SV2C: variants seen among roughly 807,000 people sequenced by gnomAD.
SV2C encodes solute carrier family 22 member B3.
In SV2C, 49 loss-of-function variants were observed where a neutral mutation model predicts 79.7. The observed-to-expected ratio is 0.61, with a 90% CI of 0.49 to 0.78. The LOEUF (loss-of-function observed/expected upper bound fraction) is 0.78, where lower values mean the gene tolerates loss of function less well. Ranked by LOEUF, SV2C falls within the 30% of genes least tolerant of loss-of-function variation. SV2C has a pLI of 0.00. For synonymous variants in SV2C, 334 were observed against 333.2 expected (o/e 1.00, Z -0.03); for missense variants, 833 against 912.9 (o/e 0.91, Z 1.13).
intron 6 of SV2C, among the ~76,000 whole-genome samples, chr5:76,287,863 G>T (rs1054430920): frequency 2.0e-5 from 3 of 152,160 alleles, no homozygotes; most frequent in Non-Finnish European, 4.4e-5. Context: ...GAGGTGGGCG[G>T]ATTACAAGGT....
chr5:75,876,287 A>C, the SV2C span, among the ~76,000 whole-genome samples: 1 of 152,160 alleles, frequency 6.6e-6, no homozygotes, highest in Non-Finnish European at 1.5e-5. Flanking sequence ...ATGGAACTGG[A>C]GGCTATTATC....
intron 1 of SV2C, among the ~76,000 whole-genome samples, chr5:76,109,615 A>C (rs911295930): frequency 6.6e-6 from 1 of 152,200 alleles, no homozygotes; most frequent in Non-Finnish European, 1.5e-5. Flanking sequence ...GTGGGCACTA[A>C]TATGACTGGT....
chr5:75,971,688 A>T, the SV2C span, among the ~76,000 whole-genome samples: 2 of 152,160 alleles, frequency 1.3e-5, no homozygotes, highest in Admixed American at 1.3e-4. Context: ...ATACAAACAA[A>T]TGCAAGAACA....
chr5:75,973,629 T>C, the SV2C span, among the ~76,000 whole-genome samples: 1 of 152,094 alleles, frequency 6.6e-6, no homozygotes, highest in Non-Finnish European at 1.5e-5. Flanking sequence ...ACATAATAAT[T>C]ACACTGTTCT....
chr5:75,979,218 C>A, the SV2C span, among the ~76,000 whole-genome samples: 1 of 152,070 alleles, frequency 6.6e-6, no homozygotes, highest in African/African-American at 2.4e-5. Context: ...CACAGGTGCA[C>A]CCAGATTCAT....
chr5:75,975,968 TA>T, the SV2C span, among the ~76,000 whole-genome samples: 198 of 152,310 alleles, frequency 1.3e-3, 1 homozygote, highest in South Asian at 0.019. Context: ...CTCAAGTCAT[TA>T]ACTTAAATCC....
Position 76,233,805 on chromosome 5 carries a change from G to A in SV2C, c.913+23918G>A, listed in dbSNP as rs571856071. ...GGGATGAAGCCCACTTGATCATGGT[G>A]GATAAGCTTTTTGATGTGCTGTTGC... On this transcript the variant is annotated intron_variant, in intron 4 of 12. Transcript: ENST00000502798. Among the ~76,000 whole-genome samples the A allele has an allele frequency of 1.3e-3, 194 of 148,592 alleles. 1 individual carries two copies. Among genetic ancestry groups the A allele is most frequent in the Non-Finnish European group, 2.4e-3 (161 of 68,008 alleles).
chr5:75,925,514 C>T, the SV2C span, among the ~76,000 whole-genome samples: 1 of 152,210 alleles, frequency 6.6e-6, no homozygotes, highest in East Asian at 1.9e-4. Context: ...GGACAGTTCC[C>T]TTCCAATCTC....
intron 2 of SV2C, among the ~76,000 whole-genome samples, chr5:76,149,301 A>C (rs556878465): frequency 1.2e-4 from 19 of 152,350 alleles, no homozygotes; most frequent in African/African-American, 4.3e-4. Flanking sequence ...GGAGTTACAG[A>C]AACACCATGA....
At chr5:75,952,014 G>A in the SV2C span, among the ~76,000 whole-genome samples, 2 of 151,922 alleles carry the variant, frequency 1.3e-5, no homozygotes, top group African/African-American at 4.8e-5. Context: ...TGATTGGCAA[G>A]TAGTAAAAAT....
At position 76,104,087 on chromosome 5, in the gene SV2C, T is replaced by G. The variant is rs528187219; in HGVS notation, c.-102+20575T>G. 1.4e-3 allele frequency among the ~76,000 whole-genome samples: 218 copies of G among 152,328 alleles called. 2 individuals are homozygous for G. Among genetic ancestry groups the G allele is most frequent in the African/African-American group, 5.1e-3 (211 of 41,572 alleles). On this transcript the variant is annotated intron_variant, in intron 1 of 12. Coordinates refer to ENST00000502798, the MANE Select transcript of SV2C (RefSeq NM_014979.4). ...TGTTCATTTCTTAGGTGACTTTAACTCATTTGCTAACATCAGAATAAAAGT... is the reference window on the plus strand; with the variant it reads ...TGTTCATTTCTTAGGTGACTTTAACGCATTTGCTAACATCAGAATAAAAGT...
At chr5:76,013,416 T>C in the SV2C span, among the ~76,000 whole-genome samples, 2 of 152,176 alleles carry the variant, frequency 1.3e-5, no homozygotes, top group African/African-American at 2.4e-5. Context: ...TTGTCTATTA[T>C]TGGTGTATAA....
At chr5:75,901,764 T>G in the SV2C span, among the ~76,000 whole-genome samples, 6 of 152,228 alleles carry the variant, frequency 3.9e-5, no homozygotes, top group Non-Finnish European at 2.9e-5. Context: ...CCCGGCTCCT[T>G]TGTTTACCTA....
At chr5:76,122,699 G>A (rs1053037039) in intron 1 of SV2C, among the ~76,000 whole-genome samples, 1 of 151,772 alleles carries the variant, frequency 6.6e-6, no homozygotes, top group African/African-American at 2.4e-5. Flanking sequence ...CAACATACCA[G>A]AATCTCTGGG....
the SV2C span, among the ~76,000 whole-genome samples, chr5:75,908,438 G>A: frequency 6.6e-6 from 1 of 152,144 alleles, no homozygotes; most frequent in Non-Finnish European, 1.5e-5. Flanking sequence ...ATAGAGATGT[G>A]CCAAATTTTG....
chr5:75,936,316 G>A, the SV2C span, among the ~76,000 whole-genome samples: 4,215 of 152,112 alleles, frequency 0.028, 76 homozygotes, highest in Middle Eastern at 0.044. Context: ...ATCATCCTTG[G>A]GTCTATGTCT....
At chr5:75,945,217 A>G in the SV2C span, among the ~76,000 whole-genome samples, 1 of 152,158 alleles carries the variant, frequency 6.6e-6, no homozygotes, top group African/African-American at 2.4e-5. Flanking sequence ...AGAACTGAAA[A>G]ATATAGTATC....
chr5:76,191,093 GA>G (rs200590411), intron 2 of SV2C, among the ~76,000 whole-genome samples: 3 of 152,102 alleles, frequency 2.0e-5, no homozygotes, highest in East Asian at 1.9e-4. Flanking sequence ...CGTGGCTGGG[GA>G]GGCCTCAGGA....
At chr5:76,078,906 C>G, upstream of SV2C, 1 of 557,114 alleles carries the variant, frequency 1.8e-6, no homozygotes, top group Admixed American at 2.0e-5. Context: ...ACAATGATGA[C>G]TTGCAGGGCA....
Sources: allele counts gnomAD v4.1 joint callset (sites outside exome capture counted in the v4.1 genomes callset), GRCh38; gene constraint gnomAD v4.1.1; transcripts MANE v1.5; gene names NCBI Gene and HGNC (gene_info 2026-07-23, HGNC 2026-07-21).